AIG1: variants seen among roughly 807,000 people sequenced by gnomAD.
AIG1 encodes androgen-induced gene 1 protein.
Under a neutral mutation model 31.4 loss-of-function variants are expected in AIG1, and 23 were observed. That is an observed-to-expected ratio of 0.73 (90% confidence interval 0.53 to 1.04). AIG1 has a LOEUF of 1.04. Among genes scored for constraint, AIG1 ranks in the 50% least tolerant of loss-of-function variants. The pLI is 0.00. For synonymous variants in AIG1, 100 were observed against 110.5 expected (o/e 0.90, Z 0.60); for missense variants, 274 against 295.0 (o/e 0.93, Z 0.52).
intron 1 of AIG1, among the ~76,000 whole-genome samples, chr6:143,110,303 G>T (rs867912805): frequency 6.6e-6 from 1 of 151,924 alleles, no homozygotes; most frequent in Non-Finnish European, 1.5e-5. Context: ...TTTTATTCTT[G>T]AGCTTTTGCA....
At position 143,334,255 on chromosome 6, in the gene AIG1, C is replaced by A. The variant is rs183793811; in HGVS notation, c.679+810C>A. ...GATGGTTTGGAGATTTTAGGAAGCC[C>A]TGGCTCTTTCCTCTGACACAATCAC... On this transcript the variant is annotated intron_variant, in intron 5 of 5. Transcript: ENST00000357847. This position sits in a 1 kb window ranked among gnomAD's most constrained non-coding sequence, Gnocchi z 5.1. Among the ~76,000 whole-genome samples, 1 of 152,332 alleles carries A rather than the reference C, an allele frequency of 6.6e-6. No homozygotes were observed. The highest frequency in any genetic ancestry group is 1.9e-4 in the East Asian group (1 of 5,186).
In AIG1 at chr6:143,165,650, C is replaced by T. The variant is rs1025779371; in HGVS notation, c.399+467C>T. Among the ~76,000 whole-genome samples, 4 of 152,200 alleles carry T rather than the reference C, an allele frequency of 2.6e-5. No homozygotes were observed. In the East Asian group the frequency reaches 7.7e-4, roughly 29 times the overall value. On this transcript the variant is annotated intron_variant, in intron 3 of 5. Coordinates refer to ENST00000357847, the MANE Select transcript of AIG1 (RefSeq NM_016108.4). Reference sequence around the variant, plus strand: ...GGGCAGCAAGGCTGTGACTTTCTTTCAGAGATCTGCTGCAGGCATTTGGAA... The same window carrying T: ...GGGCAGCAAGGCTGTGACTTTCTTTTAGAGATCTGCTGCAGGCATTTGGAA...
intron 3 of AIG1, among the ~76,000 whole-genome samples, chr6:143,271,599 T>C (rs1054043711): frequency 9.2e-5 from 14 of 152,198 alleles, no homozygotes; most frequent in Admixed American, 5.9e-4. Flanking sequence ...TGAAGAAGCA[T>C]CTTTAGTACC....
chr6:143,316,349 T>C (rs559010741), intron 4 of AIG1, among the ~76,000 whole-genome samples: 1 of 152,272 alleles, frequency 6.6e-6, no homozygotes, highest in South Asian at 2.1e-4. Context: ...GTTTCACTTA[T>C]GAAACTTAGT....
intron 1 of AIG1, among the ~76,000 whole-genome samples, chr6:143,127,983 C>T (rs1782845185): frequency 6.6e-6 from 1 of 152,114 alleles, no homozygotes; most frequent in Admixed American, 6.6e-5. Flanking sequence ...CCACCACATC[C>T]AGCCATAATT....
chr6:143,305,005 T>C (rs1799144593), intron 4 of AIG1, among the ~76,000 whole-genome samples: 1 of 152,236 alleles, frequency 6.6e-6, no homozygotes, highest in Admixed American at 6.5e-5. Context: ...TTTTCTAGTT[T>C]ATTTGCGTAG....
At chr6:143,200,307 A>G (rs1276295453) in intron 3 of AIG1, among the ~76,000 whole-genome samples, 2 of 152,160 alleles carry the variant, frequency 1.3e-5, no homozygotes, top group Non-Finnish European at 2.9e-5. Context: ...GGAGTAGAAA[A>G]TGGAAATTAT....
chr6:143,342,759 C>T (rs2128728922), downstream of AIG1: 3 of 825,812 alleles, frequency 3.6e-6, no homozygotes, highest in South Asian at 1.3e-5. Flanking sequence ...ACTCAGGTAT[C>T]ATAGCTGCAA....
At chr6:143,294,380 A>G (rs965268231) in intron 4 of AIG1, among the ~76,000 whole-genome samples, 4 of 152,166 alleles carry the variant, frequency 2.6e-5, no homozygotes, top group Admixed American at 6.5e-5. Flanking sequence ...AGGCTTAGAG[A>G]CAAGGTGGTA....
chr6:143,079,347 C>A (rs1046943013), intron 1 of AIG1, among the ~76,000 whole-genome samples: 5 of 152,136 alleles, frequency 3.3e-5, no homozygotes, highest in Admixed American at 1.3e-4. Flanking sequence ...CTTCCCAGTT[C>A]TAGAATGCAG....
chr6:143,304,112 A>G (rs564164721), intron 4 of AIG1, among the ~76,000 whole-genome samples: 1 of 151,732 alleles, frequency 6.6e-6, no homozygotes, highest in Non-Finnish European at 1.5e-5. Flanking sequence ...TTATCAGCTT[A>G]AGGAGATTTT....
intron 3 of AIG1, among the ~76,000 whole-genome samples, chr6:143,176,063 G>T (rs1309197057): frequency 6.6e-6 from 1 of 152,184 alleles, no homozygotes. Flanking sequence ...GAACTGCAGT[G>T]ATTGTTATTT....
rs1431794374 is a variant in AIG1, at chr6:143,258,354, A to C, written c.400-25756A>C. Among the ~76,000 whole-genome samples, 1 of 150,386 alleles carries C rather than the reference A, an allele frequency of 6.6e-6. No homozygotes were observed. The highest frequency in any genetic ancestry group is 1.5e-5 in the Non-Finnish European group (1 of 67,704). On this transcript the variant is annotated intron_variant, in intron 3 of 5. Transcript: ENST00000357847. The surrounding 1 kb of genome is among the most constrained non-coding windows in gnomAD (Gnocchi z 4.7). The stretch of plus-strand genomic sequence containing the variant: ...ACAATCACCAGCATATTATAATTCA[A>C]ATCATCAGTAGAATTGTTTGTACTG...
intron 3 of AIG1, among the ~76,000 whole-genome samples, chr6:143,261,931 T>G (rs1795805817): frequency 6.6e-6 from 1 of 152,258 alleles, no homozygotes. Context: ...AAAAAGCTAA[T>G]GGTTAGTTTA....
At chr6:143,060,563 T>A (rs1419859702), upstream of AIG1, 1 of 367,254 alleles carries the variant, frequency 2.7e-6, no homozygotes, top group Non-Finnish European at 5.9e-6. Flanking sequence ...CTCGTAGCAC[T>A]CAGAGGTCGC....
At chr6:143,155,560 T>C (rs1023941830) in intron 2 of AIG1, among the ~76,000 whole-genome samples, 1 of 152,068 alleles carries the variant, frequency 6.6e-6, no homozygotes, top group African/African-American at 2.4e-5. Context: ...TAGGCCGGTG[T>C]TACAAGCACA....
At chr6:143,275,006 C>A (rs1796797143) in intron 3 of AIG1, among the ~76,000 whole-genome samples, 1 of 152,200 alleles carries the variant, frequency 6.6e-6, no homozygotes, top group Non-Finnish European at 1.5e-5. Context: ...ATAGAGGAAG[C>A]AGCATAAACA....
In AIG1 at chr6:143,105,150, G is replaced by T. The variant is rs78196249; in HGVS notation, c.142-31685G>T. Among the ~76,000 whole-genome samples the T allele has an allele frequency of 2.8e-3, 424 of 152,258 alleles. 10 individuals carry two copies. The East Asian group carries it at 0.05, about 18-fold the overall frequency. On this transcript the variant is annotated intron_variant, in intron 1 of 5. Coordinates refer to ENST00000357847, the MANE Select transcript of AIG1 (RefSeq NM_016108.4). The stretch of plus-strand genomic sequence containing the variant: ...AGTGAGATCATAGCATAGTAGTGAG[G>T]GTGTGGTCAAGCCAGGGTAAGACAG...
intron 1 of AIG1, among the ~76,000 whole-genome samples, chr6:143,123,565 T>A (rs1030397806): frequency 6.6e-6 from 1 of 152,222 alleles, no homozygotes; most frequent in African/African-American, 2.4e-5. Context: ...TATATCTTGC[T>A]TTTATTTTTC....
Sources: gnomAD v4.1 joint callset for allele counts (sites outside exome capture counted in the v4.1 genomes callset) on GRCh38, gnomAD v4.1.1 for gene constraint, Gnocchi (gnomAD v3.1) non-coding constraint, MANE v1.5 for transcripts, NCBI Gene and HGNC (gene_info 2026-07-23, HGNC 2026-07-21) for gene names.